The following BCL7B variants were observed in gnomAD, a reference collection of about 807,000 sequenced individuals.
The protein encoded by BCL7B is BAF chromatin remodeling complex subunit BCL7B.
A neutral mutation model predicts 26.5 loss-of-function variants in BCL7B; 11 were observed. The ratio of observed to expected loss-of-function variants is 0.42; its 90% CI spans 0.26 to 0.69. The LOEUF is 0.69. Ranked by LOEUF, BCL7B falls within the 30% of genes least tolerant of loss-of-function variation. The pLI is 0.28. For missense variants in BCL7B, 215 were observed against 264.4 expected, an observed-to-expected ratio of 0.81 and a Z score of 1.30; for synonymous variants, 111 against 107.9, an observed-to-expected ratio of 1.03 and a Z score of -0.18.
chr7:73,544,528 A>G (rs1791886047), intron 2 of BCL7B, among the ~76,000 whole-genome samples: 1 of 152,204 alleles, frequency 6.6e-6, no homozygotes, highest in African/African-American at 2.4e-5. Flanking sequence ...CTGGAGGCTG[A>G]GACAGGAGAA....
rs550087321 is a variant in BCL7B at position 73,542,662 on chromosome 7, G to A, written c.265+886C>T. 2.4e-4 allele frequency among the ~76,000 whole-genome samples: 36 copies of A among 152,338 alleles called. No homozygotes were observed. In the South Asian group the frequency reaches 7.5e-3, roughly 32 times the overall value. On this transcript the variant is annotated intron_variant, in intron 3 of 5. Coordinates refer to ENST00000223368, the MANE Select transcript of BCL7B (RefSeq NM_001707.4). ...TTCGTAGACAGTACCTAGCAGGTAG[G>A]TGTAAAAGGCAGTATCATGACTACG...
At chr7:73,541,701 A>G (rs1251312517) in intron 3 of BCL7B, among the ~76,000 whole-genome samples, 1 of 152,136 alleles carries the variant, frequency 6.6e-6, no homozygotes, top group African/African-American at 2.4e-5. Flanking sequence ...TCCTGACCTC[A>G]GGTAATCCAC....
intron 2 of BCL7B, among the ~76,000 whole-genome samples, chr7:73,545,758 TGGAGCC>T (rs1454238179): frequency 2.6e-5 from 4 of 152,136 alleles, no homozygotes; most frequent in Admixed American, 6.6e-5. Context: ...GGAGGTTCCC[TGGAGCC>T]AGAGAGGACA....
In BCL7B at chr7:73,536,571, AT is replaced by A. The variant is rs1554582121; in HGVS notation, c.*726del. ...ATGGGTACTGTTGTCAGAACCTCAA[AT>A]TCTTGCTGGGGCAGTTTGTGACAAG... On this transcript the variant is annotated 3_prime_UTR_variant, in exon 6 of 6. Coordinates refer to ENST00000223368, the MANE Select transcript of BCL7B (RefSeq NM_001707.4). 1 of 152,422 alleles carries A rather than the reference AT, an allele frequency of 6.6e-6. No homozygotes were observed. The highest frequency in any genetic ancestry group is 1.5e-5 in the Non-Finnish European group (1 of 68,092). 9.4% of individuals were successfully genotyped at this position (152,422 alleles called of 1,614,324 possible).
chr7:73,549,639 T>C (rs1341089274), intron 2 of BCL7B, among the ~76,000 whole-genome samples: 4 of 151,876 alleles, frequency 2.6e-5, no homozygotes, highest in African/African-American at 9.7e-5. Context: ...CATAGCAAAC[T>C]CCCATCTCTC....
chr7:73,550,050 ATTTATGT>A (rs1792099803), intron 2 of BCL7B, among the ~76,000 whole-genome samples: 1 of 152,260 alleles, frequency 6.6e-6, no homozygotes, highest in African/African-American at 2.4e-5. Flanking sequence ...TACACTGTAC[ATTTATGT>A]TTTATATACT....
Position 73,552,167 on chromosome 7 carries a change from C to T in BCL7B, c.168G>A (p.Glu56=), listed in dbSNP as rs782453916. 6 of 1,607,756 alleles carry T rather than the reference C, an allele frequency of 3.7e-6. No individual in the cohort carries two copies. In the East Asian group the frequency reaches 1.3e-4, roughly 36 times the overall value. ...TCTTTTGATTTTCTTCCACACTTACCTCCTTGCTGTCTGTCACAGGAACCC... is the reference window on the plus strand; with the variant it reads ...TCTTTTGATTTTCTTCCACACTTACTTCCTTGCTGTCTGTCACAGGAACCC... ...FKWVPVTDSK[E]KEKSKSNSSA... is the part of the protein sequence containing the mutation. Residue 56 remains glutamate, a splice_region_variant and synonymous_variant, in exon 2 of 6, where the codon GAG becomes GAA. Coordinates refer to ENST00000223368, the MANE Select transcript of BCL7B (RefSeq NM_001707.4).
intron 3 of BCL7B, 36 bp from the exon 4 acceptor site, chr7:73,540,088 G>T: frequency 6.3e-7 from 1 of 1,596,174 alleles, no homozygotes; most frequent in Non-Finnish European, 8.5e-7. Flanking sequence ...GCAGCTGAGC[G>T]TGGTCATTTT....
intron 2 of BCL7B, among the ~76,000 whole-genome samples, chr7:73,544,132 C>G (rs1458870304): frequency 6.6e-6 from 1 of 152,016 alleles, no homozygotes; most frequent in Non-Finnish European, 1.5e-5. Flanking sequence ...TTCAAAACGA[C>G]CACCCCAGCC....
At chr7:73,548,709 T>A (rs1554583732) in intron 2 of BCL7B, among the ~76,000 whole-genome samples, 2 of 151,982 alleles carry the variant, frequency 1.3e-5, no homozygotes, top group East Asian at 3.9e-4. Flanking sequence ...GGCGGGCGGA[T>A]CACCTGAGAT....
In BCL7B at chr7:73,557,600, G is replaced by C. The variant is rs1433197274; in HGVS notation, c.-22C>G. ...ACATGGCGGCGGCGGGAGCGGCGGG[G>C]GCCGGGGCACTGCTCCCAAGACACC... On this transcript the variant is annotated 5_prime_UTR_variant, in exon 1 of 6. Coordinates refer to ENST00000223368, the MANE Select transcript of BCL7B (RefSeq NM_001707.4). 7.9e-7 allele frequency: 1 copy of C among 1,265,276 alleles called. No individual in the cohort carries two copies. The highest frequency in any genetic ancestry group is 1.0e-6 in the Non-Finnish European group (1 of 990,790). 78.4% of individuals were successfully genotyped at this position (1,265,276 alleles called of 1,614,324 possible). A position where few individuals can be genotyped will look rare whatever the true frequency, so the allele number is the denominator to read the frequency against.
chr7:73,552,981 G>A (rs1374067899), intron 1 of BCL7B, among the ~76,000 whole-genome samples: 5 of 152,022 alleles, frequency 3.3e-5, no homozygotes, highest in Admixed American at 3.3e-4. Flanking sequence ...GAGTGAAGTG[G>A]CACAATCATA....
At chr7:73,544,895 CA>C in intron 2 of BCL7B, among the ~76,000 whole-genome samples, 1 of 151,356 alleles carries the variant, frequency 6.6e-6, no homozygotes, top group African/African-American at 2.4e-5. Context: ...CCCATCTCTA[CA>C]AAAAAATAAA....
At chr7:73,540,817 G>A (rs1387236724) in intron 3 of BCL7B, among the ~76,000 whole-genome samples, 3 of 104,128 alleles carry the variant, frequency 2.9e-5, no homozygotes, top group Admixed American at 1.4e-4. Context: ...GCAACAGAGC[G>A]AGACTCTGTC....
chr7:73,546,667 C>CAA (rs1205952479), intron 2 of BCL7B, among the ~76,000 whole-genome samples: 3 of 116,364 alleles, frequency 2.6e-5, no homozygotes, highest in East Asian at 2.5e-4. Flanking sequence ...GACTCTGTCT[C>CAA]AAAAAAAAAA....
At position 73,552,184 on chromosome 7, in the gene BCL7B, C is replaced by T. The variant is rs1554584233; in HGVS notation, c.151G>A (p.Val51Met). 1 of 1,610,230 alleles carries T rather than the reference C, an allele frequency of 6.2e-7. No individual in the cohort carries two copies. The highest frequency in any genetic ancestry group is 8.5e-7 in the Non-Finnish European group (1 of 1,178,954). ...TSLRIFKWVP[V>M]TDSKEKEKSK... ...ACACTTACCTCCTTGCTGTCTGTCA[C>T]AGGAACCCACTTAAATATCCTCAGG... The change falls in exon 2 of 6, where the codon GTG becomes ATG. Residue 51 changes from valine to methionine, a missense_variant. Val to Met is a conservative substitution (Grantham distance 21). Coordinates refer to ENST00000223368, the MANE Select transcript of BCL7B (RefSeq NM_001707.4).
intron 1 of BCL7B, chr7:73,557,284 C>A (rs1792404955): frequency 1.7e-6 from 2 of 1,142,926 alleles, no homozygotes; most frequent in Non-Finnish European, 2.1e-6. Flanking sequence ...TGGGCGGGCC[C>A]GCGAGCCGGG....
chr7:73,537,536 T>G (rs1791587653), intron 5 of BCL7B, 146 bp from the exon 6 acceptor site: 1 of 640,572 alleles, frequency 1.6e-6, no homozygotes. Context: ...GGGACTCATT[T>G]CCGGCGCTGC....
intron 2 of BCL7B, among the ~76,000 whole-genome samples, chr7:73,548,177 C>T (rs1300865306): frequency 6.6e-6 from 1 of 151,958 alleles, no homozygotes; most frequent in Non-Finnish European, 1.5e-5. Context: ...CGCCTGTAAT[C>T]CCAGCACTTC....
Sources: gnomAD v4.1 joint callset for allele counts (sites outside exome capture counted in the v4.1 genomes callset) on GRCh38, gnomAD v4.1.1 for gene constraint, MANE v1.5 for transcripts, NCBI Gene and HGNC (gene_info 2026-07-23, HGNC 2026-07-21) for gene names.